BANK1: variants seen among roughly 807,000 people sequenced by gnomAD.
BANK1 encodes B-cell scaffold protein with ankyrin repeats.
A neutral mutation model predicts 94.5 loss-of-function variants in BANK1; 95 were observed. The observed-to-expected ratio is 1.00, with a 90% confidence interval of 0.85 to 1.19. The LOEUF (loss-of-function observed/expected upper bound fraction) is 1.19. Among genes scored for constraint, BANK1 ranks in the 50% most tolerant of loss-of-function variants. The probability of loss-of-function intolerance (pLI) is 0.00; values close to 1 mark genes in which losing one functional copy is unlikely to be tolerated. For missense variants in BANK1, 987 were observed against 932.2 expected, an observed-to-expected ratio of 1.06 and a Z score of -0.77; for synonymous variants, 334 against 308.4, an observed-to-expected ratio of 1.08 and a Z score of -0.87.
chr4:102,026,487 G>A (rs1279560487), intron 9 of BANK1, among the ~76,000 whole-genome samples: 2 of 151,840 alleles, frequency 1.3e-5, no homozygotes, highest in Admixed American at 6.6e-5. Context: ...AGGCTACAAA[G>A]TACAAAAACA....
intron 5 of BANK1, among the ~76,000 whole-genome samples, chr4:101,872,389 T>G (rs1307973292): frequency 1.3e-5 from 2 of 152,120 alleles, no homozygotes; most frequent in African/African-American, 2.4e-5. Context: ...CAAGCTGTAC[T>G]GTAACAGGGG....
chr4:101,856,166 G>C lies in BANK1; in HGVS notation c.624+977G>C, dbSNP rs530415539. ...GGTCCTGATGGAGGTGGAATATCCT[G>C]TGTAGAAGGGTATAGTTTAGTTTCC... On this transcript the variant is annotated intron_variant, in intron 3 of 16. Transcript: ENST00000322953. Among the ~76,000 whole-genome samples, 42 of 152,224 alleles carry C rather than the reference G, an allele frequency of 2.8e-4. 1 individual carries two copies. The highest frequency in any genetic ancestry group is 8.3e-4 in the South Asian group (4 of 4,822).
chr4:101,992,524 T>C (rs1725743155), intron 7 of BANK1, among the ~76,000 whole-genome samples: 1 of 152,208 alleles, frequency 6.6e-6, no homozygotes, highest in South Asian at 2.1e-4. Context: ...AAGCGTGATG[T>C]GTGCAGCAGT....
intron 6 of BANK1, among the ~76,000 whole-genome samples, chr4:101,897,400 C>T (rs922588087): frequency 1.8e-4 from 27 of 151,758 alleles, no homozygotes; most frequent in African/African-American, 5.8e-4. Context: ...AACTGCCTCT[C>T]GGTATACTGT....
chr4:101,968,089 A>G (rs962787121), intron 7 of BANK1, among the ~76,000 whole-genome samples: 17 of 152,018 alleles, frequency 1.1e-4, no homozygotes, highest in Non-Finnish European at 2.1e-4. Context: ...TTATCCATGG[A>G]AGGTACCCAC....
chr4:101,848,049 T>C (rs1414553917), intron 2 of BANK1, among the ~76,000 whole-genome samples: 1 of 152,220 alleles, frequency 6.6e-6, no homozygotes, highest in Non-Finnish European at 1.5e-5. Context: ...CTACCTCCTC[T>C]ACCTCGGTGT....
intron 7 of BANK1, among the ~76,000 whole-genome samples, chr4:102,016,905 C>T (rs1010165422): frequency 1.3e-4 from 20 of 152,002 alleles, no homozygotes; most frequent in African/African-American, 4.8e-4. Context: ...CTCTTATCCA[C>T]TGTGGATAAG....
At chr4:101,945,253 G>A (rs1284204541) in intron 7 of BANK1, among the ~76,000 whole-genome samples, 1 of 151,826 alleles carries the variant, frequency 6.6e-6, no homozygotes, top group Non-Finnish European at 1.5e-5. Flanking sequence ...AACTTGAATT[G>A]ATACTAGGAA....
chr4:101,932,430 T>C (rs1723387276), intron 7 of BANK1, among the ~76,000 whole-genome samples: 1 of 151,562 alleles, frequency 6.6e-6, no homozygotes, highest in Non-Finnish European at 1.5e-5. Context: ...GACTTTTCTT[T>C]AAATTTCACC....
At chr4:101,852,503 T>TATAC (rs1448887346) in intron 2 of BANK1, among the ~76,000 whole-genome samples, 70 of 80,158 alleles carry the variant, frequency 8.7e-4, no homozygotes, top group Non-Finnish European at 6.1e-4. Flanking sequence ...TATATATATA[T>TATAC]ACACACACAC....
At chr4:102,063,214 G>A in intron 13 of BANK1, 76 bp downstream of exon 13, 4 of 1,325,728 alleles carry the variant, frequency 3.0e-6, no homozygotes, top group East Asian at 2.4e-5. Context: ...GAGATGATTG[G>A]GCCTGAGTTC....
At chr4:101,974,623 C>T (rs1725063406) in intron 7 of BANK1, among the ~76,000 whole-genome samples, 1 of 152,056 alleles carries the variant, frequency 6.6e-6, no homozygotes, top group Non-Finnish European at 1.5e-5. Flanking sequence ...AAATCTAATA[C>T]ATTTTAAACT....
chr4:101,825,027 G>A (rs1356305000), intron 1 of BANK1, among the ~76,000 whole-genome samples: 2 of 152,228 alleles, frequency 1.3e-5, no homozygotes, highest in African/African-American at 2.4e-5. Flanking sequence ...AAAGAATATA[G>A]TAAATTTATA....
chr4:101,938,980 T>C (rs1723658625), intron 7 of BANK1, among the ~76,000 whole-genome samples: 1 of 151,768 alleles, frequency 6.6e-6, no homozygotes, highest in South Asian at 2.1e-4. Flanking sequence ...GCAGTAGCTG[T>C]GATTTATCAC....
At chr4:101,806,890 T>A (rs977707014) in intron 1 of BANK1, among the ~76,000 whole-genome samples, 4 of 152,218 alleles carry the variant, frequency 2.6e-5, no homozygotes, top group Non-Finnish European at 4.4e-5. Context: ...TGTATTTAAG[T>A]GAAATAGGAA....
intron 7 of BANK1, among the ~76,000 whole-genome samples, chr4:101,932,840 G>T (rs533832077): frequency 6.6e-6 from 1 of 151,590 alleles, no homozygotes; most frequent in East Asian, 2.0e-4. Flanking sequence ...TAGATTTTGT[G>T]CATGGGTAAA....
At chr4:101,839,503 A>G (rs1041519001) in intron 2 of BANK1, among the ~76,000 whole-genome samples, 1 of 152,200 alleles carries the variant, frequency 6.6e-6, no homozygotes, top group Non-Finnish European at 1.5e-5. Flanking sequence ...CAATCCATTT[A>G]ATAGCTTCCC....
intron 10 of BANK1, 118 bp downstream of exon 10, chr4:102,030,383 T>C (rs1727256133): frequency 3.8e-6 from 4 of 1,063,626 alleles, no homozygotes; most frequent in Admixed American, 2.8e-5. Flanking sequence ...TAAACATTTT[T>C]TTTCAAGTCA....
chr4:101,826,625 CTGTT>C (rs2148861906), intron 1 of BANK1, among the ~76,000 whole-genome samples: 1 of 152,024 alleles, frequency 6.6e-6, no homozygotes, highest in South Asian at 2.1e-4. Flanking sequence ...CATAATATTT[CTGTT>C]TGTTAAACAA....
Sources: allele counts gnomAD v4.1 joint callset (sites outside exome capture counted in the v4.1 genomes callset), GRCh38; gene constraint gnomAD v4.1.1; transcripts MANE v1.5; gene names NCBI Gene and HGNC (gene_info 2026-07-23, HGNC 2026-07-21).